The following LCTL variants were observed in gnomAD, a reference collection of about 807,000 sequenced individuals.
LCTL encodes lactase like.
Under a neutral mutation model 75.8 loss-of-function variants are expected in LCTL, and 76 were observed. That is an observed-to-expected ratio of 1.00 (90% confidence interval 0.83 to 1.21). The LOEUF is 1.21. LCTL is among the 50% of genes most tolerant of loss of function. LCTL has a pLI of 0.00. For synonymous variants in LCTL, 271 were observed against 268.8 expected (o/e 1.01, Z -0.08); for missense variants, 670 against 712.4 (o/e 0.94, Z 0.68).
chr15:66,555,740 A>G (rs1767494718), intron 8 of LCTL, among the ~76,000 whole-genome samples: 1 of 152,212 alleles, frequency 6.6e-6, no homozygotes, highest in South Asian at 2.1e-4. Context: ...ACAGAATAAA[A>G]AACCCACATA....
intron 8 of LCTL, among the ~76,000 whole-genome samples, chr15:66,556,776 G>C (rs1263353108): frequency 6.6e-6 from 1 of 152,128 alleles, no homozygotes; most frequent in Non-Finnish European, 1.5e-5. Context: ...GTGGAATCGT[G>C]GTTGCCAGGG....
chr15:66,548,348 C>T, exon 13 of LCTL: 2 of 449,188 alleles, frequency 4.5e-6, no homozygotes, highest in Non-Finnish European at 7.9e-6. Flanking sequence ...TCTTAAATCC[C>T]AGCACAAGCC....
chr15:66,555,371 A>G (rs1222080750), intron 8 of LCTL, among the ~76,000 whole-genome samples: 4 of 151,414 alleles, frequency 2.6e-5, no homozygotes, highest in African/African-American at 9.7e-5. Flanking sequence ...GTGAAACCCC[A>G]TCTCTACAAA....
rs1448384234 is a variant in LCTL, at chr15:66,564,685, G to T, written c.273C>A (p.Tyr91Ter). ...CACACCCCGCACTCACCTGGACCTT[G>T]TAGTAGCCGTCACAGGCTACATCTG... The change falls in exon 2 of 13, where the codon TAC becomes TAA. Residue 91 changes from tyrosine (Y) to a stop codon, truncating the protein, a stop_gained. Coordinates refer to ENST00000341509, the Ensembl canonical transcript of LCTL. LOFTEE classifies it high-confidence loss of function. 1.9e-6 allele frequency: 3 copies of T among 1,612,414 alleles called. No individual in the cohort carries two copies. The African/African-American group carries it at 4.0e-5, about 22-fold the overall frequency.
intron 8 of LCTL, among the ~76,000 whole-genome samples, chr15:66,554,839 G>A (rs1412684257): frequency 3.9e-5 from 6 of 152,144 alleles, no homozygotes; most frequent in African/African-American, 9.7e-5. Context: ...AGAATGTTGC[G>A]TGTAATCATA....
chr15:66,562,518 G>C (rs1053010542), intron 4 of LCTL, among the ~76,000 whole-genome samples: 1 of 152,038 alleles, frequency 6.6e-6, no homozygotes, highest in African/African-American at 2.4e-5. Context: ...ATATATGAGT[G>C]CTTGTGATAC....
rs577674600 is a variant in LCTL, at chr15:66,553,555, A to G, written c.923-297T>C. ...CGGATCACAAGGTCAGGAGATCGAG[A>G]CCATCCTGGCTAGCACAGTGAAACC... On this transcript the variant is annotated intron_variant, in intron 8 of 12. Coordinates refer to ENST00000341509, the Ensembl canonical transcript of LCTL. 9.9e-5 allele frequency among the ~76,000 whole-genome samples: 15 copies of G among 151,572 alleles called. No individual in the cohort carries two copies. In the South Asian group the frequency reaches 3.1e-3, roughly 32 times the overall value.
At chr15:66,556,161 T>A (rs1417209247) in intron 8 of LCTL, among the ~76,000 whole-genome samples, 3 of 152,236 alleles carry the variant, frequency 2.0e-5, no homozygotes, top group Admixed American at 6.5e-5. Flanking sequence ...CTGGGTATAT[T>A]CCCCAAATAA....
Position 66,547,603 on chromosome 15 carries a change from CAT to C in LCTL, c.*885_*886del, listed in dbSNP as rs1410905350. 3.3e-5 allele frequency: 5 copies of C among 151,856 alleles called. No individual in the cohort carries two copies. The East Asian group carries it at 7.8e-4, about 24-fold the overall frequency. The allele number at this position is 151,856 out of a possible 1,614,324, so 9.4% of individuals were successfully genotyped here. ...ACCTAGAAGATAAATAAAAAATAAA[CAT>C]GTAATATTTCTTTGAGGTATTTCAT... On this transcript the variant is annotated 3_prime_UTR_variant, in exon 13 of 13. Coordinates refer to ENST00000341509, the Ensembl canonical transcript of LCTL.
exon 1 of LCTL, chr15:66,565,435 G>A: frequency 9.7e-7 from 1 of 1,027,456 alleles, no homozygotes. Flanking sequence ...CAGGCTGATG[G>A]CCAGGTCTTG....
At chr15:66,553,291 C>G (rs768462546) in intron 8 of LCTL, 33 bp from the exon 10 acceptor site, 3 of 1,493,250 alleles carry the variant, frequency 2.0e-6, no homozygotes, top group East Asian at 4.8e-5. Context: ...TTTAACAAAG[C>G]CTTATTTTCT....
intron 1 of LCTL, 53 bp downstream of exon 2, chr15:66,565,195 G>C (rs1895993676): frequency 8.3e-7 from 1 of 1,206,364 alleles, no homozygotes; most frequent in African/African-American, 1.5e-5. Context: ...GTCAGCCAAA[G>C]TGGGCAGGTG....
At chr15:66,552,044 T>C in exon 10 of LCTL, 2 of 1,609,708 alleles carry the variant, frequency 1.2e-6, no homozygotes, top group Non-Finnish European at 1.7e-6. Flanking sequence ...GTGTCTCACC[T>C]TTTAGCATTT....
rs199783478 is a variant in LCTL, at chr15:66,558,010, A to T, written c.732T>A (p.Tyr244Ter). Residue 244 changes from tyrosine to a stop codon, truncating the protein, a stop_gained, in exon 7 of 13, where the codon TAT becomes TAA. Coordinates refer to ENST00000341509, the Ensembl canonical transcript of LCTL. LOFTEE classifies it high-confidence loss of function. The stretch of plus-strand genomic sequence containing the variant: ...GCTGCTTGCTGCGCCACGTGGTGTT[A>T]TAAGAATGCCAGGCTTTGGCGTGGG... The T allele has an allele frequency of 7.5e-6, 12 of 1,607,426 alleles. No homozygotes were observed. The East Asian group carries it at 2.7e-4, about 36-fold the overall frequency.
chr15:66,558,307 C>T (rs1410148741), intron 6 of LCTL, among the ~76,000 whole-genome samples: 1 of 152,070 alleles, frequency 6.6e-6, no homozygotes, highest in Non-Finnish European at 1.5e-5. Context: ...TGTTTTGTTC[C>T]TCTTAGTCCT....
exon 9 of LCTL, chr15:66,553,208 A>G: frequency 6.2e-7 from 1 of 1,605,698 alleles, no homozygotes; most frequent in Non-Finnish European, 8.5e-7. Context: ...TCCTGGAGTG[A>G]GAACACCGGT....
chr15:66,552,071 A>G (rs1216840191), exon 10 of LCTL: 11 of 1,612,598 alleles, frequency 6.8e-6, no homozygotes, highest in Non-Finnish European at 7.6e-6. Flanking sequence ...TGTATCCTTT[A>G]AGGTATTGAA....
intron 3 of LCTL, 67 bp downstream of exon 4, chr15:66,563,844 G>T: frequency 8.0e-7 from 1 of 1,248,644 alleles, no homozygotes; most frequent in Non-Finnish European, 1.2e-6. Context: ...ACTCTGTGGT[G>T]CCCCTGCAAA....
At position 66,551,672 on chromosome 15, in the gene LCTL, T is replaced by C. The variant is rs1327611856; in HGVS notation, c.1514A>G (p.Asn505Ser). ...GATAATGAGGCCTACCTCTCTTGGA[T>C]TGGGAAACCCATTGGCAATGATAAT... Residue 505 changes from asparagine (N) to serine (S), a missense_variant, in exon 11 of 13, where the codon AAT (asparagine) becomes AGT (serine). Transcript: ENST00000341509. 3.5e-5 allele frequency: 56 copies of C among 1,613,784 alleles called. No homozygotes were observed. The highest frequency in any genetic ancestry group is 4.7e-5 in the Non-Finnish European group (56 of 1,179,708).
Sources: allele counts gnomAD v4.1 joint callset (sites outside exome capture counted in the v4.1 genomes callset), GRCh38; gene constraint gnomAD v4.1.1; transcripts MANE v1.5; gene names NCBI Gene and HGNC (gene_info 2026-07-23, HGNC 2026-07-21).